The following PCDHGB1 variants were observed in gnomAD, a reference collection of about 807,000 sequenced individuals.
PCDHGB1 encodes protocadherin gamma-B1.
A neutral mutation model predicts 56.6 loss-of-function variants in PCDHGB1; 34 were observed. The ratio of observed to expected loss-of-function variants is 0.60; its 90% CI spans 0.46 to 0.80. PCDHGB1 has a LOEUF of 0.80. PCDHGB1 is among the 30% of genes least tolerant of loss of function. The pLI is 0.00. For missense variants in PCDHGB1, 1,278 were observed against 1,204.6 expected (o/e 1.06, Z -0.90); for synonymous variants, 561 against 505.9 (o/e 1.11, Z -1.46).
rs538105673 is a variant in PCDHGB1, at chr5:141,427,796, C to T, written c.2410-67011C>T. On this transcript the variant is annotated intron_variant, in intron 1 of 3. Transcript: ENST00000523390. Reference sequence around the variant, plus strand: ...TGCGGGCACTGTCGTCCTACGTGTCCGTGAGCGCACAGAGCGGGGTGGTGG... The same window carrying T: ...TGCGGGCACTGTCGTCCTACGTGTCTGTGAGCGCACAGAGCGGGGTGGTGG... The T allele has an allele frequency of 3.6e-4, 547 of 1,502,104 alleles. 5 individuals carry two copies. In the South Asian group the frequency reaches 5.9e-3, roughly 16 times the overall value. The allele number at this position is 1,502,104 out of a possible 1,614,324, so 93.0% of individuals were successfully genotyped here.
At chr5:141,394,783 C>A in intron 1 of PCDHGB1, 7 of 1,613,732 alleles carry the variant, frequency 4.3e-6, no homozygotes, top group Non-Finnish European at 5.9e-6. Flanking sequence ...CTCTCCGCCA[C>A]TGTCACGCTC....
At position 141,385,228 on chromosome 5, in the gene PCDHGB1, GAC is replaced by G. The variant is rs1361009837; in HGVS notation, c.2409+32561_2409+32562del. 9 of 1,614,224 alleles carry G rather than the reference GAC, an allele frequency of 5.6e-6. No individual in the cohort carries two copies. The South Asian group carries it at 8.8e-5, about 16-fold the overall frequency. On this transcript the variant is annotated intron_variant, in intron 1 of 3. Transcript: ENST00000523390. ...GATCTTCCCCCAGCCCAACTATGTAGACATGCTCATCAGCCAGGAGAGCTGTG... is the reference window on the plus strand; with the variant it reads ...GATCTTCCCCCAGCCCAACTATGTAGATGCTCATCAGCCAGGAGAGCTGTG...
chr5:141,351,119 C>G lies in PCDHGB1; in HGVS notation c.859C>G (p.Leu287Val). ...AFLNSPISTS[L>V]FNLNPNTGDI... ...CCTCAATTCCCCAATAAGTACCAGC[C>G]TCTTCAATCTCAATCCAAATACTGG... Residue 287 changes from leucine (L) to valine (V), a missense_variant, in exon 1 of 4, where the codon CTC becomes GTC. Leu to Val is a conservative substitution (Grantham distance 32). Transcript: ENST00000523390. 6.2e-7 allele frequency: 1 copy of G among 1,614,056 alleles called. No individual in the cohort carries two copies. The highest frequency in any genetic ancestry group is 8.5e-7 in the Non-Finnish European group (1 of 1,179,906).
chr5:141,389,191 T>A, intron 1 of PCDHGB1: 1 of 1,614,050 alleles, frequency 6.2e-7, no homozygotes, highest in Non-Finnish European at 8.5e-7. Context: ...AGTTCCAGCA[T>A]CACCCTGCAC....
In PCDHGB1 at chr5:141,360,025, T is replaced by C. The variant is rs1336332149; in HGVS notation, c.2409+7356T>C. On this transcript the variant is annotated intron_variant, in intron 1 of 3. Transcript: ENST00000523390. ...AAACCAACCACACAGAGAAGGCCAGTATAGATTCGGAAACAGAAAACAAAA... is the reference window on the plus strand; with the variant it reads ...AAACCAACCACACAGAGAAGGCCAGCATAGATTCGGAAACAGAAAACAAAA... 12 of 1,338,564 alleles carry C rather than the reference T, an allele frequency of 9.0e-6. No individual in the cohort carries two copies. In the Admixed American group the frequency reaches 3.4e-4, roughly 38 times the overall value. 82.9% of individuals were successfully genotyped at this position (1,338,564 alleles called of 1,614,324 possible). A position where few individuals can be genotyped will look rare whatever the true frequency, so the allele number is the denominator to read the frequency against.
At chr5:141,356,289 T>G (rs1298139288) in intron 1 of PCDHGB1, 1 of 1,555,532 alleles carries the variant, frequency 6.4e-7, no homozygotes, top group Admixed American at 2.0e-5. Flanking sequence ...CTTCCCCGGG[T>G]ACAGTAATTG....
chr5:141,365,643 T>A (rs1319252902), intron 1 of PCDHGB1: 10 of 1,613,296 alleles, frequency 6.2e-6, no homozygotes, highest in Non-Finnish European at 8.5e-6. Flanking sequence ...GAAAGCCACA[T>A]CCCCTTGAAA....
In PCDHGB1 at chr5:141,350,772, C is replaced by T. The variant is rs1258224944; in HGVS notation, c.512C>T (p.Pro171Leu). Residue 171 changes from proline to leucine, a missense_variant, in exon 1 of 4, where the codon CCC becomes CTC. Physicochemically the swap from Pro to Leu is moderately conservative, Grantham distance 98. Transcript: ENST00000523390. Reference protein sequence around the residue: ...GNSLKLYTINPNQYFSLSTKE... With the variant: ...GNSLKLYTINLNQYFSLSTKE... ...TCACTGAAGTTATACACCATCAACC[C>T]CAATCAATACTTCTCTCTGTCAACG... 2 of 1,613,790 alleles carry T rather than the reference C, an allele frequency of 1.2e-6. No individual in the cohort carries two copies. The highest frequency in any genetic ancestry group is 2.7e-5 in the African/African-American group (2 of 74,928).
intron 1 of PCDHGB1, among the ~76,000 whole-genome samples, chr5:141,354,541 G>A (rs967505809): frequency 2.0e-5 from 3 of 152,200 alleles, no homozygotes; most frequent in African/African-American, 4.8e-5. Flanking sequence ...AGGTTCTAGA[G>A]GGTCAACTCC....
intron 1 of PCDHGB1, among the ~76,000 whole-genome samples, chr5:141,483,553 C>G (rs955671854): frequency 2.0e-5 from 3 of 152,230 alleles, no homozygotes; most frequent in Admixed American, 2.0e-4. Context: ...CAGTGCCATT[C>G]ACAGAGACAG....
chr5:141,447,824 G>T (rs926580893), intron 1 of PCDHGB1, among the ~76,000 whole-genome samples: 2 of 152,034 alleles, frequency 1.3e-5, no homozygotes, highest in Non-Finnish European at 2.9e-5. Context: ...GGTGGCTCAC[G>T]CCTGTAATCC....
chr5:141,376,552 C>G lies in PCDHGB1; in HGVS notation c.2409+23883C>G, dbSNP rs372170088. On this transcript the variant is annotated intron_variant, in intron 1 of 3. Transcript: ENST00000523390. ...AGCGGGAAGAGTAATCTGATCTTCC[C>G]GCAACCCAACTAATCAGACAGGCTC... 3 of 1,611,220 alleles carry G rather than the reference C, an allele frequency of 1.9e-6. No individual in the cohort carries two copies. The African/African-American group carries it at 4.0e-5, about 22-fold the overall frequency.
At chr5:141,413,462 G>A (rs750915907) in intron 1 of PCDHGB1, 4 of 1,614,120 alleles carry the variant, frequency 2.5e-6, no homozygotes, top group East Asian at 2.2e-5. Flanking sequence ...AGGATAGACC[G>A]GGAGGAGCTC....
chr5:141,396,654 T>G (rs1489747712), intron 1 of PCDHGB1: 1 of 151,996 alleles, frequency 6.6e-6, no homozygotes, highest in Non-Finnish European at 1.5e-5. Context: ...TAGTAAAAAC[T>G]CGGTATAGGC....
intron 2 of PCDHGB1, among the ~76,000 whole-genome samples, chr5:141,502,165 T>C (rs1017904375): frequency 1.8e-4 from 28 of 152,196 alleles, no homozygotes; most frequent in African/African-American, 6.3e-4. Context: ...AGATATTCAG[T>C]TGAGGAATTT....
At chr5:141,415,904 C>T in intron 1 of PCDHGB1, 1 of 833,428 alleles carries the variant, frequency 1.2e-6, no homozygotes, top group Non-Finnish European at 1.6e-6. Context: ...AGACAGACTT[C>T]CATACAGAAG....
At position 141,432,135 on chromosome 5, in the gene PCDHGB1, C is replaced by T; in HGVS notation, c.2410-62672C>T. On this transcript the variant is annotated intron_variant, in intron 1 of 3. Transcript: ENST00000523390. This position sits in a 1 kb window ranked among gnomAD's most constrained non-coding sequence, Gnocchi z 6.0. ...GTCTTCCCTCAGGCCTCCTATTCCGCTTATATCCCAGAGAACAATCCCAGA... is the reference window on the plus strand; with the variant it reads ...GTCTTCCCTCAGGCCTCCTATTCCGTTTATATCCCAGAGAACAATCCCAGA... The T allele has an allele frequency of 6.2e-7, 1 of 1,614,140 alleles. No homozygotes were observed. Among genetic ancestry groups the T allele is most frequent in the Non-Finnish European group, 8.5e-7 (1 of 1,180,026 alleles).
intron 1 of PCDHGB1, among the ~76,000 whole-genome samples, chr5:141,449,673 G>A (rs7725811): frequency 0.049 from 7,346 of 150,528 alleles, 281 homozygotes; most frequent in African/African-American, 0.1. Flanking sequence ...AAGTGTGTAT[G>A]TATATATGTT....
At chr5:141,501,305 A>G (rs2099807563) in intron 2 of PCDHGB1, among the ~76,000 whole-genome samples, 1 of 151,322 alleles carries the variant, frequency 6.6e-6, no homozygotes, top group African/African-American at 2.4e-5. Flanking sequence ...ACACACACAC[A>G]CACACACACA....
Sources: allele counts gnomAD v4.1 joint callset (sites outside exome capture counted in the v4.1 genomes callset), GRCh38; gene constraint gnomAD v4.1.1; non-coding constraint Gnocchi (gnomAD v3.1); transcripts MANE v1.5; gene names NCBI Gene and HGNC (gene_info 2026-07-23, HGNC 2026-07-21).